The following ZEB2 variants were observed in gnomAD, a reference collection of about 807,000 sequenced individuals.
ZEB2 encodes the protein zinc finger E-box-binding homeobox 2.
A neutral mutation model predicts 99.9 loss-of-function variants in ZEB2; 6 were observed. The observed-to-expected ratio is 0.06, with a 90% confidence interval of 0.03 to 0.12. The LOEUF (loss-of-function observed/expected upper bound fraction) is 0.12. Among genes scored for constraint, ZEB2 ranks in the 10% least tolerant of loss-of-function variants. ZEB2 has a pLI of 1.00. For synonymous variants in ZEB2, 517 were observed against 542.5 expected, an observed-to-expected ratio of 0.95 and a Z score of 0.65; for missense variants, 969 against 1,502.8, an observed-to-expected ratio of 0.64 and a Z score of 5.87.
chr2:144,454,771 T>C (rs2149901461), intron 2 of ZEB2, among the ~76,000 whole-genome samples: 1 of 152,222 alleles, frequency 6.6e-6, no homozygotes, highest in South Asian at 2.1e-4. Flanking sequence ...AATGTAGGGA[T>C]TTTGTTTGAA....
intron 2 of ZEB2, among the ~76,000 whole-genome samples, chr2:144,473,132 A>G (rs1344247157): frequency 6.6e-6 from 1 of 152,176 alleles, no homozygotes; most frequent in Non-Finnish European, 1.5e-5. Flanking sequence ...AATGGAAAGG[A>G]AAGGGGTGGA....
At chr2:144,508,293 C>T (rs1014496522) in intron 2 of ZEB2, among the ~76,000 whole-genome samples, 4 of 152,102 alleles carry the variant, frequency 2.6e-5, no homozygotes, top group Admixed American at 6.5e-5. Flanking sequence ...GGGTGCAACT[C>T]GAAGGGTGTA....
intron 2 of ZEB2, among the ~76,000 whole-genome samples, 177 bp downstream of exon 2, chr2:144,517,101 C>A (rs939242429): frequency 6.6e-6 from 1 of 150,512 alleles, no homozygotes; most frequent in East Asian, 2.0e-4. Context: ...CCCAACACCC[C>A]CCGGTCCAGC....
intron 2 of ZEB2, among the ~76,000 whole-genome samples, chr2:144,448,589 G>A (rs1027098495): frequency 2.0e-5 from 3 of 152,180 alleles, no homozygotes; most frequent in Admixed American, 6.5e-5. Flanking sequence ...ACATTCAGAA[G>A]AGATAAAAAT....
At chr2:144,504,838 G>A (rs1704930282) in intron 2 of ZEB2, among the ~76,000 whole-genome samples, 1 of 152,142 alleles carries the variant, frequency 6.6e-6, no homozygotes, top group Non-Finnish European at 1.5e-5. Context: ...TGAGACTACA[G>A]AAAAGGTAGA....
At chr2:144,485,021 A>C (rs564230403) in intron 2 of ZEB2, among the ~76,000 whole-genome samples, 1 of 152,306 alleles carries the variant, frequency 6.6e-6, no homozygotes, top group East Asian at 1.9e-4. Flanking sequence ...CTTCAGAGTA[A>C]AGAGTCACTT....
intron 2 of ZEB2, chr2:144,494,463 G>A (rs1573799713): frequency 6.6e-6 from 1 of 152,314 alleles, no homozygotes; most frequent in South Asian, 2.1e-4. Context: ...CTGACATAAT[G>A]TTAAATTGTT....
intron 2 of ZEB2, among the ~76,000 whole-genome samples, chr2:144,505,819 T>G (rs1704945435): frequency 6.6e-6 from 1 of 152,194 alleles, no homozygotes; most frequent in Non-Finnish European, 1.5e-5. Context: ...ACCTCACACT[T>G]ATCTGCACAA....
At chr2:144,504,114 C>CCTTAA (rs1704919766) in intron 2 of ZEB2, 3 of 146,144 alleles carry the variant, frequency 2.1e-5, no homozygotes, top group Non-Finnish European at 1.5e-5. Context: ...AAACAAACCA[C>CCTTAA]CTTAATTTCC....
chr2:144,517,985 T>C, intron 1 of ZEB2: 1 of 307,150 alleles, frequency 3.3e-6, no homozygotes, highest in Non-Finnish European at 6.2e-6. Context: ...CGAGGCACTG[T>C]CTCTTCCTCC....
At chr2:144,444,488 A>AGCT (rs368517790) in intron 2 of ZEB2, among the ~76,000 whole-genome samples, 13 of 152,352 alleles carry the variant, frequency 8.5e-5, no homozygotes, top group Non-Finnish European at 1.5e-4. Context: ...GTGTGTCACC[A>AGCT]GCTGGGGGTC....
intron 2 of ZEB2, among the ~76,000 whole-genome samples, chr2:144,452,950 C>A (rs1443724701): frequency 6.6e-6 from 1 of 151,838 alleles, no homozygotes; most frequent in African/African-American, 2.4e-5. Flanking sequence ...AAGACATATT[C>A]CTTTCAAGTA....
intron 6 of ZEB2, among the ~76,000 whole-genome samples, chr2:144,402,979 A>G (rs1703333277): frequency 6.6e-6 from 1 of 152,246 alleles, no homozygotes; most frequent in African/African-American, 2.4e-5. Context: ...AAACCTAAGA[A>G]TTTTGAATAC....
intron 2 of ZEB2, among the ~76,000 whole-genome samples, chr2:144,488,670 A>AGTGTGTGTGTGTGTGT (rs57221448): frequency 3.6e-4 from 54 of 148,128 alleles, no homozygotes; most frequent in African/African-American, 1.2e-3. Flanking sequence ...CTCGTGTGTG[A>AGTGTGTGTGTGTGTGT]GTGTGTGTGT....
intron 2 of ZEB2, among the ~76,000 whole-genome samples, chr2:144,434,635 T>A (rs970834757): frequency 2.6e-5 from 4 of 152,202 alleles, no homozygotes; most frequent in Admixed American, 2.6e-4. Context: ...CTGGGACTTT[T>A]TGGGATTTTC....
intron 3 of ZEB2, chr2:144,428,054 C>CT (rs1703712487): frequency 6.6e-6 from 1 of 152,060 alleles, no homozygotes; most frequent in Non-Finnish European, 1.5e-5. Flanking sequence ...TTAAATTAAA[C>CT]TTTTTTAAAA....
At chr2:144,411,142 A>ACC (rs1703459631) in intron 4 of ZEB2, among the ~76,000 whole-genome samples, 1 of 140,146 alleles carries the variant, frequency 7.1e-6, no homozygotes, top group Admixed American at 7.1e-5. Flanking sequence ...ACACACACAC[A>ACC]CACACACGCT....
chr2:144,396,607 C>T lies in ZEB2; in HGVS notation c.2887-15G>A, dbSNP rs1248397469. On this transcript the variant is annotated splice_polypyrimidine_tract_variant and intron_variant, in intron 8 of 9. Coordinates refer to ENST00000627532, the MANE Select transcript of ZEB2 (RefSeq NM_014795.4). ...AGCAATTCTCCCTGCGATAGAATCACACAGTTCAATACAGTGGCTTCTCTT... is the reference window on the plus strand; with the variant it reads ...AGCAATTCTCCCTGCGATAGAATCATACAGTTCAATACAGTGGCTTCTCTT... 1 of 1,611,908 alleles carries T rather than the reference C, an allele frequency of 6.2e-7. No individual in the cohort carries two copies.
rs544283931 is a variant in ZEB2, at chr2:144,453,722, A to G, written c.74-23696T>C. 1.8e-3 allele frequency among the ~76,000 whole-genome samples: 277 copies of G among 152,304 alleles called. 3 individuals are homozygous for G. The highest frequency in any genetic ancestry group is 2.7e-3 in the Non-Finnish European group (183 of 68,024). On this transcript the variant is annotated intron_variant, in intron 2 of 9. Transcript: ENST00000627532. ...CCCCCTCACCCCTTTTGTGGCGACA[A>G]AGCAAGGAGGAAGGGCAATCAGTGT...
Sources: gnomAD v4.1 joint callset for allele counts (sites outside exome capture counted in the v4.1 genomes callset) on GRCh38, gnomAD v4.1.1 for gene constraint, MANE v1.5 for transcripts, NCBI Gene and HGNC (gene_info 2026-07-23, HGNC 2026-07-21) for gene names.